The following TGFBR2 variants were observed in gnomAD, a reference collection of about 807,000 sequenced individuals.
The protein encoded by TGFBR2 is TGF-beta receptor type-2.
TGFBR2 carries 18 observed loss-of-function variants against 49.0 expected under a neutral mutation model. The ratio of observed to expected loss-of-function variants is 0.37; its 90% CI spans 0.25 to 0.54. The LOEUF is 0.54. Among genes scored for constraint, TGFBR2 ranks in the 20% least tolerant of loss-of-function variants. The probability of loss-of-function intolerance (pLI) is 0.85; values close to 1 mark genes in which losing one functional copy is unlikely to be tolerated. For synonymous variants in TGFBR2, 282 were observed against 275.9 expected (o/e 1.02, Z -0.22); for missense variants, 525 against 722.6 (o/e 0.73, Z 3.13).
At chr3:30,684,281 G>T (rs1699585405) in intron 5 of TGFBR2, among the ~76,000 whole-genome samples, 1 of 152,098 alleles carries the variant, frequency 6.6e-6, no homozygotes, top group African/African-American at 2.4e-5. Flanking sequence ...AAAAATGGAG[G>T]TTGGGAGTAG....
intron 5 of TGFBR2, among the ~76,000 whole-genome samples, chr3:30,686,923 C>A (rs1249334217): frequency 6.6e-6 from 1 of 152,188 alleles, no homozygotes; most frequent in Non-Finnish European, 1.5e-5. Flanking sequence ...TTCATTCATT[C>A]ATTCACTCAC....
At chr3:30,688,588 T>G (rs1699663355) in intron 6 of TGFBR2, 77 bp downstream of exon 6, 2 of 1,591,344 alleles carry the variant, frequency 1.3e-6, no homozygotes, top group Admixed American at 3.5e-5. Flanking sequence ...TCTGGAATAT[T>G]GAGCTTAAAT....
At position 30,665,274 on chromosome 3, in the gene TGFBR2, A is replaced by C. The variant is rs192628931; in HGVS notation, c.455-6364A>C. Among the ~76,000 whole-genome samples the C allele has an allele frequency of 4.1e-4, 63 of 152,358 alleles. 1 individual carries two copies. The highest frequency in any genetic ancestry group is 4.8e-5 in the African/African-American group (2 of 41,580). The stretch of plus-strand genomic sequence containing the variant: ...TTAATTATAACATTAAAAGGACAGC[A>C]TTCATTTATTGAGTACTTACTAGGA... On this transcript the variant is annotated intron_variant, in intron 3 of 6. Coordinates refer to ENST00000295754, the MANE Select transcript of TGFBR2 (RefSeq NM_003242.6).
intron 3 of TGFBR2, among the ~76,000 whole-genome samples, chr3:30,657,056 A>AC (rs1699013977): frequency 6.6e-6 from 1 of 152,234 alleles, no homozygotes; most frequent in Non-Finnish European, 1.5e-5. Context: ...CATTTTAATG[A>AC]CAAAAAAGTG....
In TGFBR2 at chr3:30,648,460, A is replaced by ACACACACCCC. The variant is rs1553627538; in HGVS notation, c.264-1808_264-1807insCACACCCCCA. 3.9e-4 allele frequency among the ~76,000 whole-genome samples: 55 copies of ACACACACCCC among 142,482 alleles called. 1 individual carries two copies. Among genetic ancestry groups the ACACACACCCC allele is most frequent in the South Asian group, 1.4e-3 (6 of 4,372 alleles). The allele number at this position is 142,482 out of a possible 152,430, so 93.5% of individuals were successfully genotyped here. On this transcript the variant is annotated intron_variant, in intron 2 of 6. Coordinates refer to ENST00000295754, the MANE Select transcript of TGFBR2 (RefSeq NM_003242.6). ...CACACACACACACACACACACACAC[A>ACACACACCCC]CAAAACTGTGGGGGCAGGGAGGAAG...
chr3:30,634,380 T>C (rs77020718), intron 1 of TGFBR2, among the ~76,000 whole-genome samples: 3,261 of 152,328 alleles, frequency 0.021, 110 homozygotes, highest in African/African-American at 0.075. Flanking sequence ...CACATCTTCA[T>C]TTAGACCATC....
At position 30,645,332 on chromosome 3, in the gene TGFBR2, G is replaced by A. The variant is rs17025892; in HGVS notation, c.263+417G>A. Among the ~76,000 whole-genome samples the A allele has an allele frequency of 6.9e-3, 1,048 of 152,192 alleles. 9 individuals are homozygous for A. The highest frequency in any genetic ancestry group is 0.024 in the African/African-American group (988 of 41,506). On this transcript the variant is annotated intron_variant, in intron 2 of 6. Transcript: ENST00000295754. ...GGTCTGGAAGAAGAGGTGATGAAAGGTTGGCTGTTGGAAGAGAAAACTACC... is the reference window on the plus strand; with the variant it reads ...GGTCTGGAAGAAGAGGTGATGAAAGATTGGCTGTTGGAAGAGAAAACTACC...
rs1485314154 is a variant in TGFBR2, at chr3:30,623,090, A to G, written c.94+16113A>G. 1.4e-5 allele frequency: 10 copies of G among 694,402 alleles called. No homozygotes were observed. The East Asian group carries it at 2.7e-4, about 19-fold the overall frequency. 43.0% of individuals were successfully genotyped at this position (694,402 alleles called of 1,614,324 possible). ...GTCTAGTTATAATAATCTTTTAATA[A>G]TCTCACAGTAATAGAAAGCTTCATT... is the stretch of plus-strand genomic sequence containing the variant. On this transcript the variant is annotated intron_variant, in intron 1 of 6. Coordinates refer to ENST00000295754, the MANE Select transcript of TGFBR2 (RefSeq NM_003242.6).
chr3:30,660,968 G>GGA (rs944866927), intron 3 of TGFBR2, among the ~76,000 whole-genome samples: 1 of 152,072 alleles, frequency 6.6e-6, no homozygotes, highest in Admixed American at 6.5e-5. Context: ...GGAAAGCCAG[G>GGA]GAGAGAGAGA....
chr3:30,633,842 C>T (rs1268839770), intron 1 of TGFBR2, among the ~76,000 whole-genome samples: 1 of 152,196 alleles, frequency 6.6e-6, no homozygotes, highest in Non-Finnish European at 1.5e-5. Flanking sequence ...GTGTCCAGCT[C>T]TTGTACCCAC....
chr3:30,692,050 G>C lies in TGFBR2; in HGVS notation c.*451G>C. On this transcript the variant is annotated 3_prime_UTR_variant, in exon 7 of 7. Transcript: ENST00000295754. ...TCCAGAACCAAGCAGAGAAGGAAGG[G>C]ACCCATGACAGCATTAGCATTTGAC... 4.5e-6 allele frequency: 1 copy of C among 224,484 alleles called. No homozygotes were observed. 13.9% of individuals were successfully genotyped at this position (224,484 alleles called of 1,614,324 possible).
intron 5 of TGFBR2, among the ~76,000 whole-genome samples, chr3:30,685,481 C>G (rs1380414935): frequency 6.6e-6 from 1 of 152,084 alleles, no homozygotes; most frequent in African/African-American, 2.4e-5. Flanking sequence ...TGAGGATAAG[C>G]TCTCATGAGA....
At chr3:30,652,430 C>T (rs1180672195) in intron 3 of TGFBR2, among the ~76,000 whole-genome samples, 1 of 151,858 alleles carries the variant, frequency 6.6e-6, no homozygotes, top group Admixed American at 6.6e-5. Context: ...AGACGAGTTT[C>T]ACCATGTTCG....
chr3:30,677,747 C>T (rs1699465594), intron 5 of TGFBR2, among the ~76,000 whole-genome samples: 1 of 152,166 alleles, frequency 6.6e-6, no homozygotes, highest in Non-Finnish European at 1.5e-5. Context: ...TTGATGTTGT[C>T]CCTGCTGTAG....
At chr3:30,659,803 T>C (rs1699082656) in intron 3 of TGFBR2, among the ~76,000 whole-genome samples, 1 of 151,918 alleles carries the variant, frequency 6.6e-6, no homozygotes, top group Admixed American at 6.6e-5. Flanking sequence ...ATGTGTTCCA[T>C]AAACTCCACA....
intron 3 of TGFBR2, among the ~76,000 whole-genome samples, chr3:30,656,623 G>A (rs549095286): frequency 1.3e-5 from 2 of 152,328 alleles, no homozygotes; most frequent in African/African-American, 2.4e-5. Flanking sequence ...AAGATGGTAA[G>A]CCAAGGAGGA....
intron 5 of TGFBR2, among the ~76,000 whole-genome samples, chr3:30,682,475 A>G (rs1024207406): frequency 1.3e-5 from 2 of 152,000 alleles, no homozygotes; most frequent in Admixed American, 1.3e-4. Flanking sequence ...CAGGTGTAAC[A>G]TTTTCTCTGG....
intron 1 of TGFBR2, among the ~76,000 whole-genome samples, chr3:30,632,668 G>T (rs1698459059): frequency 6.6e-6 from 1 of 152,182 alleles, no homozygotes; most frequent in Non-Finnish European, 1.5e-5. Context: ...GTGTGAGAGA[G>T]CATTGCATGG....
chr3:30,664,127 C>T (rs546942674), intron 3 of TGFBR2, among the ~76,000 whole-genome samples: 1 of 148,708 alleles, frequency 6.7e-6, no homozygotes, highest in Non-Finnish European at 1.5e-5. Context: ...AGATTACATG[C>T]CCACACCACC....
Sources: gnomAD v4.1 joint callset for allele counts (sites outside exome capture counted in the v4.1 genomes callset) on GRCh38, gnomAD v4.1.1 for gene constraint, MANE v1.5 for transcripts, NCBI Gene and HGNC (gene_info 2026-07-23, HGNC 2026-07-21) for gene names.